The following PCDHGA8 variants were observed in gnomAD, a reference collection of about 807,000 sequenced individuals.
PCDHGA8 encodes protocadherin gamma-A8.
Under a neutral mutation model 59.2 loss-of-function variants are expected in PCDHGA8, and 45 were observed. The observed-to-expected ratio is 0.76, with a 90% CI of 0.60 to 0.98. The LOEUF (loss-of-function observed/expected upper bound fraction) is 0.98. Among genes scored for constraint, PCDHGA8 ranks in the 50% least tolerant of loss-of-function variants. The probability of loss-of-function intolerance (pLI) is 0.00; values close to 1 mark genes in which losing one functional copy is unlikely to be tolerated. For missense variants in PCDHGA8, 1,257 were observed against 1,196.2 expected, an observed-to-expected ratio of 1.05 and a Z score of -0.75; for synonymous variants, 531 against 519.0, an observed-to-expected ratio of 1.02 and a Z score of -0.32.
Position 141,477,443 on chromosome 5 carries a change from G to C in PCDHGA8, c.2425-17364G>C. The C allele has an allele frequency of 6.2e-7, 1 of 1,614,136 alleles. No individual in the cohort carries two copies. Among genetic ancestry groups the C allele is most frequent in the Non-Finnish European group, 8.5e-7 (1 of 1,180,024 alleles). ...CCCTTCCCTCTCAGCCCTTACAATA[G>C]TGCGTGTTCAAGTGTCCGACATCAA... On this transcript the variant is annotated intron_variant, in intron 1 of 3. Coordinates refer to ENST00000398604, the MANE Select transcript of PCDHGA8 (RefSeq NM_032088.2). This position sits in a 1 kb window ranked among gnomAD's most constrained non-coding sequence, Gnocchi z 4.9.
intron 1 of PCDHGA8, chr5:141,413,082 A>C: frequency 3.7e-6 from 5 of 1,344,442 alleles, no homozygotes; most frequent in Non-Finnish European, 5.1e-6. Context: ...CCCAGGCTAC[A>C]GAGACACCCT....
At chr5:141,396,955 C>T (rs1476582665) in intron 1 of PCDHGA8, among the ~76,000 whole-genome samples, 2 of 152,156 alleles carry the variant, frequency 1.3e-5, no homozygotes, top group Non-Finnish European at 2.9e-5. Context: ...AAAGAAAATC[C>T]TTACTCTCCC....
chr5:141,490,837 G>A lies in PCDHGA8; in HGVS notation c.2425-3970G>A. On this transcript the variant is annotated intron_variant, in intron 1 of 3. Coordinates refer to ENST00000398604, the MANE Select transcript of PCDHGA8 (RefSeq NM_032088.2). This position sits in a 1 kb window ranked among gnomAD's most constrained non-coding sequence, Gnocchi z 5.4. ...TGAATTGCTGCAGATGCTGCAGATTGTGGTGGGGGTTCGAGACTCCGGCTC... is the reference window on the plus strand; with the variant it reads ...TGAATTGCTGCAGATGCTGCAGATTATGGTGGGGGTTCGAGACTCCGGCTC... The A allele has an allele frequency of 1.9e-6, 3 of 1,613,914 alleles. No homozygotes were observed. The highest frequency in any genetic ancestry group is 2.2e-5 in the South Asian group (2 of 91,072).
intron 1 of PCDHGA8, chr5:141,421,518 TGA>T: frequency 6.2e-7 from 1 of 1,614,058 alleles, no homozygotes; most frequent in Non-Finnish European, 8.5e-7. Flanking sequence ...AGGAGCTCTG[TGA>T]GACGGTGTCC....
At chr5:141,505,983 C>G (rs1235662535) in intron 3 of PCDHGA8, among the ~76,000 whole-genome samples, 1 of 152,148 alleles carries the variant, frequency 6.6e-6, no homozygotes, top group Non-Finnish European at 1.5e-5. Context: ...GAGAGAACAC[C>G]TCCTCTTTAT....
At chr5:141,419,602 C>G (rs757423030) in intron 1 of PCDHGA8, 3 of 1,611,874 alleles carry the variant, frequency 1.9e-6, no homozygotes, top group African/African-American at 2.7e-5. Context: ...TGCCGCGGGC[C>G]GCGCAGCCAG....
intron 2 of PCDHGA8, among the ~76,000 whole-genome samples, chr5:141,497,622 C>G (rs1434147255): frequency 6.6e-6 from 1 of 151,538 alleles, no homozygotes; most frequent in African/African-American, 2.4e-5. Context: ...TCACTGCAAC[C>G]TCTGCCTGCC....
At chr5:141,505,827 TCA>T (rs1197972266) in intron 3 of PCDHGA8, among the ~76,000 whole-genome samples, 4 of 152,072 alleles carry the variant, frequency 2.6e-5, no homozygotes, top group South Asian at 4.1e-4. Context: ...TCTCTAAACC[TCA>T]GTTTCCTCAG....
Position 141,491,880 on chromosome 5 carries a change from G to C in PCDHGA8, c.2425-2927G>C. ...GCGAAACCAGAGTGGCCGATTAAGG[G>C]ATGGGGCTCCGAGCACCGGGGGTGG... On this transcript the variant is annotated intron_variant, in intron 1 of 3. Transcript: ENST00000398604. This position sits in a 1 kb window ranked among gnomAD's most constrained non-coding sequence, Gnocchi z 6.9. 1 of 1,449,834 alleles carries C rather than the reference G, an allele frequency of 6.9e-7. No individual in the cohort carries two copies. 89.8% of individuals were successfully genotyped at this position (1,449,834 alleles called of 1,614,324 possible).
Position 141,485,011 on chromosome 5 carries a change from C to G in PCDHGA8, c.2425-9796C>G, listed in dbSNP as rs2099605048. 3.2e-6 allele frequency: 2 copies of G among 631,064 alleles called. No homozygotes were observed. The highest frequency in any genetic ancestry group is 5.5e-5 in the East Asian group (2 of 36,662). The allele number at this position is 631,064 out of a possible 1,614,324, so 39.1% of individuals were successfully genotyped here. A position where few individuals can be genotyped will look rare whatever the true frequency, so the allele number is the denominator to read the frequency against. Reference sequence around the variant, plus strand: ...TGGTGAAAGGCAGACAAATCTACCCCGCCACCAGCAAAAACGGCGCGTAAC... The same window carrying G: ...TGGTGAAAGGCAGACAAATCTACCCGGCCACCAGCAAAAACGGCGCGTAAC... On this transcript the variant is annotated intron_variant, in intron 1 of 3. Coordinates refer to ENST00000398604, the MANE Select transcript of PCDHGA8 (RefSeq NM_032088.2). This position sits in a 1 kb window ranked among gnomAD's most constrained non-coding sequence, Gnocchi z 5.7.
intron 1 of PCDHGA8, chr5:141,399,021 C>T (rs2093739749): frequency 1.2e-6 from 2 of 1,613,862 alleles, no homozygotes; most frequent in Non-Finnish European, 1.7e-6. Context: ...GAGAAATTAC[C>T]ACTCAAAAGA....
chr5:141,436,240 G>T (rs192988618), intron 1 of PCDHGA8, among the ~76,000 whole-genome samples: 1 of 152,082 alleles, frequency 6.6e-6, no homozygotes. Context: ...AGCTAACATG[G>T]TCTAATTATT....
At position 141,490,597 on chromosome 5, in the gene PCDHGA8, C is replaced by G. The variant is rs781077720; in HGVS notation, c.2425-4210C>G. 1 of 1,614,182 alleles carries G rather than the reference C, an allele frequency of 6.2e-7. No homozygotes were observed. On this transcript the variant is annotated intron_variant, in intron 1 of 3. Transcript: ENST00000398604. This position sits in a 1 kb window ranked among gnomAD's most constrained non-coding sequence, Gnocchi z 5.4. ...TTCAGATGTCAATGACAATGCACCC[C>G]GCTTCAACCAGCAGCTTTACACTGC...
intron 1 of PCDHGA8, chr5:141,475,984 G>T: frequency 1.9e-6 from 2 of 1,069,308 alleles, no homozygotes; most frequent in South Asian, 3.1e-5. Context: ...AACAGCCGGC[G>T]AGCAAATCAA....
intron 1 of PCDHGA8, among the ~76,000 whole-genome samples, chr5:141,401,855 C>T (rs1188056656): frequency 1.3e-5 from 2 of 152,164 alleles, no homozygotes; most frequent in African/African-American, 2.4e-5. Flanking sequence ...TACTTTTAAC[C>T]TTTCAGTAGT....
At chr5:141,504,666 G>T (rs2099839952) in intron 2 of PCDHGA8, among the ~76,000 whole-genome samples, 1 of 107,242 alleles carries the variant, frequency 9.3e-6, no homozygotes, top group South Asian at 3.6e-4. Context: ...AGGGCGGGGG[G>T]TGGGGGTTCT....
In PCDHGA8 at chr5:141,476,208, C is replaced by A. The variant is rs1266601125; in HGVS notation, c.2425-18599C>A. 1.2e-6 allele frequency: 2 copies of A among 1,613,912 alleles called. No homozygotes were observed. Among genetic ancestry groups the A allele is most frequent in the East Asian group, 4.5e-5 (2 of 44,826 alleles). On this transcript the variant is annotated intron_variant, in intron 1 of 3. Coordinates refer to ENST00000398604, the MANE Select transcript of PCDHGA8 (RefSeq NM_032088.2). The surrounding 1 kb of genome is among the most constrained non-coding windows in gnomAD (Gnocchi z 7.6). ...CTTGGTGCCTTGAACAAGGCTTCCA[C>A]GGTCATTCACTATGAGATCCCGGAG...
chr5:141,486,011 T>C lies in PCDHGA8; in HGVS notation c.2425-8796T>C. The C allele has an allele frequency of 6.2e-7, 1 of 1,614,188 alleles. No individual in the cohort carries two copies. Among genetic ancestry groups the C allele is most frequent in the Non-Finnish European group, 8.5e-7 (1 of 1,180,014 alleles). ...GGGTCCCAGTGGTAACGTCACCTTTTATTTCAGTGGTCATACCCCTGATCG... is the reference window on the plus strand; with the variant it reads ...GGGTCCCAGTGGTAACGTCACCTTTCATTTCAGTGGTCATACCCCTGATCG... On this transcript the variant is annotated intron_variant, in intron 1 of 3. Coordinates refer to ENST00000398604, the MANE Select transcript of PCDHGA8 (RefSeq NM_032088.2). This position sits in a 1 kb window ranked among gnomAD's most constrained non-coding sequence, Gnocchi z 5.0.
intron 2 of PCDHGA8, among the ~76,000 whole-genome samples, chr5:141,500,381 T>G (rs1013284512): frequency 7.2e-5 from 11 of 151,786 alleles, no homozygotes; most frequent in African/African-American, 2.7e-4. Flanking sequence ...GCTAATTATT[T>G]TGTATTTTTA....
Sources: allele counts gnomAD v4.1 joint callset (sites outside exome capture counted in the v4.1 genomes callset), GRCh38; gene constraint gnomAD v4.1.1; non-coding constraint Gnocchi (gnomAD v3.1); transcripts MANE v1.5; gene names NCBI Gene and HGNC (gene_info 2026-07-23, HGNC 2026-07-21).